PIGU: variants seen among roughly 807,000 people sequenced by gnomAD.
PIGU encodes the protein phosphatidylinositol glycan anchor biosynthesis class U.
In PIGU, 24 loss-of-function variants were observed where a neutral mutation model predicts 49.9. The ratio of observed to expected loss-of-function variants is 0.48; its 90% CI spans 0.35 to 0.68. The LOEUF (loss-of-function observed/expected upper bound fraction) is 0.68, where lower values mean the gene tolerates loss of function less well. PIGU is among the 30% of genes least tolerant of loss of function. PIGU has a pLI of 0.01. For missense variants in PIGU, 490 were observed against 532.6 expected (o/e 0.92, Z 0.79); for synonymous variants, 220 against 205.7 (o/e 1.07, Z -0.59).
intron 6 of PIGU, among the ~76,000 whole-genome samples, chr20:34,632,081 T>C (rs1017385904): frequency 1.3e-5 from 2 of 151,326 alleles, no homozygotes; most frequent in African/African-American, 4.9e-5. Flanking sequence ...GCTCAAGAGA[T>C]CCTCCTGCTT....
intron 6 of PIGU, among the ~76,000 whole-genome samples, chr20:34,631,190 T>G (rs900857546): frequency 6.6e-6 from 1 of 151,678 alleles, no homozygotes; most frequent in African/African-American, 2.4e-5. Context: ...TGTATAAAAA[T>G]GTAATAAATA....
At chr20:34,635,204 T>C (rs138044798) in intron 5 of PIGU, among the ~76,000 whole-genome samples, 7 of 152,284 alleles carry the variant, frequency 4.6e-5, no homozygotes, top group African/African-American at 1.7e-4. Flanking sequence ...AATAGCTACA[T>C]TTACCTCTGA....
intron 7 of PIGU, among the ~76,000 whole-genome samples, chr20:34,611,004 C>T (rs763314454): frequency 3.3e-5 from 5 of 152,060 alleles, no homozygotes; most frequent in African/African-American, 7.2e-5. Context: ...GCTAGCCATA[C>T]GCAGAAAACA....
intron 10 of PIGU, among the ~76,000 whole-genome samples, chr20:34,581,159 T>C (rs1983444336): frequency 6.6e-6 from 1 of 152,140 alleles, no homozygotes; most frequent in South Asian, 2.1e-4. Context: ...GGTTCACAGA[T>C]CTGGATTCCA....
intron 1 of PIGU, among the ~76,000 whole-genome samples, chr20:34,674,699 G>T (rs141529988): frequency 6.6e-6 from 1 of 152,012 alleles, no homozygotes; most frequent in African/African-American, 2.4e-5. Context: ...GACCCAGATG[G>T]GCGGATCACT....
At chr20:34,616,180 C>T in intron 6 of PIGU, 41 bp from the exon 7 acceptor site, 3 of 1,601,660 alleles carry the variant, frequency 1.9e-6, no homozygotes, top group Non-Finnish European at 2.6e-6. Context: ...CCAGCCTCAT[C>T]AATCATGATT....
intron 1 of PIGU, among the ~76,000 whole-genome samples, chr20:34,673,302 G>T (rs1987374088): frequency 6.6e-6 from 1 of 151,098 alleles, no homozygotes; most frequent in Admixed American, 6.6e-5. Context: ...ACCAGAAGGA[G>T]TCCTACTTTA....
intron 9 of PIGU, among the ~76,000 whole-genome samples, chr20:34,584,832 C>A (rs1488959048): frequency 6.6e-6 from 1 of 151,814 alleles, no homozygotes; most frequent in East Asian, 1.9e-4. Flanking sequence ...GGACTATAGG[C>A]ACCCGCCACT....
At chr20:34,562,820 C>T (rs570204121) in intron 11 of PIGU, among the ~76,000 whole-genome samples, 20 of 152,326 alleles carry the variant, frequency 1.3e-4, no homozygotes, top group Non-Finnish European at 2.6e-4. Context: ...CACTGGGGGG[C>T]AGTGATCACA....
rs1985989068 is a variant in PIGU at position 34,636,972 on chromosome 20, A to C, written c.428+904T>G. On this transcript the variant is annotated intron_variant, in intron 5 of 11. Transcript: ENST00000217446. The stretch of plus-strand genomic sequence containing the variant: ...CCATAAGAGATTCATAAAGTTGCTA[A>C]ATTTCTGGTTCTATTAAGGTAGATC... Among the ~76,000 whole-genome samples, 3 of 152,246 alleles carry C rather than the reference A, an allele frequency of 2.0e-5. No homozygotes were observed. In the South Asian group the frequency reaches 6.2e-4, roughly 31 times the overall value.
intron 1 of PIGU, among the ~76,000 whole-genome samples, chr20:34,675,275 AG>A (rs1987464709): frequency 6.8e-6 from 1 of 146,878 alleles, no homozygotes; most frequent in South Asian, 2.1e-4. Flanking sequence ...AAAAAGAGAG[AG>A]AGAGAAAATG....
intron 1 of PIGU, among the ~76,000 whole-genome samples, chr20:34,663,035 G>A (rs1568665043): frequency 6.6e-6 from 1 of 152,048 alleles, no homozygotes; most frequent in Non-Finnish European, 1.5e-5. Context: ...AGCCTCCCAA[G>A]TAGCTGAGAA....
intron 10 of PIGU, among the ~76,000 whole-genome samples, chr20:34,578,666 C>T (rs56020497): frequency 0.046 from 6,972 of 152,286 alleles, 263 homozygotes; most frequent in Non-Finnish European, 0.081. Flanking sequence ...AGAACCATCA[C>T]CAGCATGCAG....
At chr20:34,662,711 G>A (rs1008881555) in intron 1 of PIGU, among the ~76,000 whole-genome samples, 2 of 152,076 alleles carry the variant, frequency 1.3e-5, no homozygotes, top group African/African-American at 2.4e-5. Context: ...ACTTTTATAA[G>A]CATTCATTTA....
chr20:34,575,735 C>T (rs1247910958), intron 10 of PIGU, among the ~76,000 whole-genome samples: 1 of 152,210 alleles, frequency 6.6e-6, no homozygotes, highest in Non-Finnish European at 1.5e-5. Context: ...GTTTTCCATT[C>T]TCCTTAACTG....
intron 1 of PIGU, among the ~76,000 whole-genome samples, chr20:34,659,400 G>A (rs1450573357): frequency 5.6e-5 from 8 of 142,128 alleles, no homozygotes; most frequent in East Asian, 4.3e-4. Context: ...CCCTCTGCCC[G>A]GCCAGCCGCC....
At chr20:34,650,946 T>C (rs922898853) in intron 2 of PIGU, among the ~76,000 whole-genome samples, 2 of 151,884 alleles carry the variant, frequency 1.3e-5, no homozygotes, top group African/African-American at 4.8e-5. Context: ...ACTCCTGACC[T>C]CAGGTGATCC....
chr20:34,641,719 G>C (rs888416342), intron 4 of PIGU, among the ~76,000 whole-genome samples: 1 of 152,090 alleles, frequency 6.6e-6, no homozygotes, highest in African/African-American at 2.4e-5. Context: ...ATACTTCCCA[G>C]ACTATGCGAT....
At chr20:34,669,866 C>A (rs1312303685) in intron 1 of PIGU, among the ~76,000 whole-genome samples, 2 of 151,752 alleles carry the variant, frequency 1.3e-5, no homozygotes, top group South Asian at 2.1e-4. Flanking sequence ...AACCTGGGAC[C>A]CTAAAAATTA....
Sources: allele counts gnomAD v4.1 joint callset (sites outside exome capture counted in the v4.1 genomes callset), GRCh38; gene constraint gnomAD v4.1.1; transcripts MANE v1.5; gene names NCBI Gene and HGNC (gene_info 2026-07-23, HGNC 2026-07-21).